Variants in EIF4H observed in about 807,000 individuals in gnomAD.
The protein encoded by EIF4H is eukaryotic translation initiation factor 4H.
EIF4H carries 8 observed loss-of-function variants against 30.6 expected under a neutral mutation model. The observed-to-expected ratio is 0.26, with a 90% CI of 0.15 to 0.47. The LOEUF is 0.47. Ranked by LOEUF, EIF4H falls within the 20% of genes least tolerant of loss-of-function variation. The pLI, the probability that EIF4H is intolerant of heterozygous loss-of-function variation, is 0.99. For missense variants in EIF4H, 188 were observed against 339.5 expected, an observed-to-expected ratio of 0.55 and a Z score of 3.51; for synonymous variants, 106 against 122.7, an observed-to-expected ratio of 0.86 and a Z score of 0.90.
At chr7:74,183,073 C>G (rs1381605393) in intron 1 of EIF4H, among the ~76,000 whole-genome samples, 2 of 152,198 alleles carry the variant, frequency 1.3e-5, no homozygotes, top group Non-Finnish European at 2.9e-5. Flanking sequence ...TCTCTACATT[C>G]TCTCCACCCT....
intron 5 of EIF4H, among the ~76,000 whole-genome samples, chr7:74,192,954 A>G (rs1801257903): frequency 6.6e-6 from 1 of 152,196 alleles, no homozygotes; most frequent in Non-Finnish European, 1.5e-5. Context: ...CTGGGATTAC[A>G]GGCGTGAGCC....
At position 74,196,945 on chromosome 7, in the gene EIF4H, A is replaced by G. The variant is rs1316150382; in HGVS notation, c.*1637A>G. The G allele has an allele frequency of 6.6e-6, 1 of 152,608 alleles. No homozygotes were observed. Among genetic ancestry groups the G allele is most frequent in the African/African-American group, 2.4e-5 (1 of 41,424 alleles). 9.5% of individuals were successfully genotyped at this position (152,608 alleles called of 1,614,324 possible). ...GTGGATAAGATAAAGAACAAAACAC[A>G]TGCATCTAAACTGCTGGGCAATCCA... On this transcript the variant is annotated 3_prime_UTR_variant, in exon 7 of 7. Coordinates refer to ENST00000265753, the MANE Select transcript of EIF4H (RefSeq NM_022170.2).
chr7:74,190,052 G>C, intron 4 of EIF4H, 134 bp downstream of exon 4: 1 of 1,217,328 alleles, frequency 8.2e-7, no homozygotes, highest in Non-Finnish European at 1.1e-6. Flanking sequence ...AAAAGTTTGC[G>C]TAAAATCCTA....
At chr7:74,180,276 C>G (rs531123190) in intron 1 of EIF4H, among the ~76,000 whole-genome samples, 3 of 152,322 alleles carry the variant, frequency 2.0e-5, no homozygotes, top group South Asian at 2.1e-4. Context: ...GTACCCATGT[C>G]TGAATTAACC....
rs577801224 is a variant in EIF4H at position 74,177,133 on chromosome 7, A to T, written c.59+2691A>T. On this transcript the variant is annotated intron_variant, in intron 1 of 6. Coordinates refer to ENST00000265753, the MANE Select transcript of EIF4H (RefSeq NM_022170.2). ...GGGAGTTTAGAATTCTTTTTTAAAT[A>T]GAGATGGGTTTCACTATGTTGCCCA... 3.3e-5 allele frequency among the ~76,000 whole-genome samples: 5 copies of T among 152,282 alleles called. 1 individual carries two copies. In the South Asian group the frequency reaches 1.0e-3, roughly 32 times the overall value.
chr7:74,189,545 C>T lies in EIF4H; in HGVS notation c.248-128C>T, dbSNP rs907779856. 2.0e-5 allele frequency: 20 copies of T among 998,078 alleles called. No individual in the cohort carries two copies. In the East Asian group the frequency reaches 4.5e-4, roughly 22 times the overall value. The allele number at this position is 998,078 out of a possible 1,614,324, so 61.8% of individuals were successfully genotyped here. ...TCAGGGTTCTATCTATTGAAAGGCT[C>T]TCCTAGTCTGCCATCATCTAGACAA... On this transcript the variant is annotated intron_variant, in intron 2 of 6. Coordinates refer to ENST00000265753, the MANE Select transcript of EIF4H (RefSeq NM_022170.2).
At chr7:74,181,089 T>G (rs1800950500) in intron 1 of EIF4H, among the ~76,000 whole-genome samples, 2 of 152,192 alleles carry the variant, frequency 1.3e-5, no homozygotes. Flanking sequence ...CATAGTGTTG[T>G]GTAACCATTG....
intron 1 of EIF4H, among the ~76,000 whole-genome samples, chr7:74,177,128 T>G (rs1364990040): frequency 6.6e-6 from 1 of 152,178 alleles, no homozygotes; most frequent in Non-Finnish European, 1.5e-5. Flanking sequence ...AATTCTTTTT[T>G]AAATAGAGAT....
intron 1 of EIF4H, among the ~76,000 whole-genome samples, chr7:74,177,945 A>G (rs1554707917): frequency 6.6e-6 from 1 of 152,100 alleles, no homozygotes; most frequent in Non-Finnish European, 1.5e-5. Context: ...AGTTAGAAAC[A>G]TGTATTTATT....
Position 74,189,824 on chromosome 7 carries a change from G to T in EIF4H, c.315G>T (p.Leu105=), listed in dbSNP as rs1429386691. 5.0e-6 allele frequency: 8 copies of T among 1,614,026 alleles called. No homozygotes were observed. The highest frequency in any genetic ancestry group is 6.8e-6 in the Non-Finnish European group (8 of 1,180,028). Residue 105 remains leucine (L), a splice_region_variant and synonymous_variant, in exon 4 of 7, where the codon CTG becomes CTT. Transcript: ENST00000265753. The part of the protein sequence containing the change: ...LKEALTYDGA[L]LGDRSLRVDI... ...CACTATTTTCCCTTTATCATTAGCT[G>T]TTGGGCGATCGGTCACTTCGTGTGG...
intron 1 of EIF4H, among the ~76,000 whole-genome samples, chr7:74,184,694 G>T (rs1369799573): frequency 1.3e-5 from 2 of 151,708 alleles, no homozygotes; most frequent in East Asian, 1.9e-4. Flanking sequence ...TTTTTTGTTT[G>T]TTTTTTGTGT....
chr7:74,191,325 G>A (rs1554709928), intron 5 of EIF4H: 2 of 523,342 alleles, frequency 3.8e-6, no homozygotes, highest in Admixed American at 4.0e-5. Context: ...CAGCAGCTCA[G>A]GGAACGGCCT....
chr7:74,188,416 G>A (rs1222452271), intron 2 of EIF4H, among the ~76,000 whole-genome samples: 16 of 152,184 alleles, frequency 1.1e-4, no homozygotes, highest in Admixed American at 9.2e-4. Flanking sequence ...GTAAGTGCAC[G>A]ATGCTAGGAC....
intron 5 of EIF4H, 82 bp downstream of exon 5, chr7:74,190,388 G>T: frequency 1.5e-6 from 2 of 1,363,644 alleles, no homozygotes; most frequent in Non-Finnish European, 2.1e-6. Context: ...TAGCCCGCCT[G>T]GCCGGACTAC....
At position 74,174,433 on chromosome 7, in the gene EIF4H, G is replaced by A; in HGVS notation, c.50G>A (p.Gly17Asp). The change falls in exon 1 of 7, where the codon GGC (glycine) becomes GAC (aspartate). Residue 17 changes from glycine (G) to aspartate (D), a missense_variant. Physicochemically the swap from Gly to Asp is moderately conservative, Grantham distance 94 (BLOSUM62 -1). Transcript: ENST00000265753. The stretch of plus-strand genomic sequence containing the variant: ...GATCGGGCCTACAGCAGCTTCGGCG[G>A]CGGCAGAGGGTGAGGCGGGCGTGCG... ...YDDRAYSSFG[G>D]GRGSRGSAGG... 2.1e-6 allele frequency: 3 copies of A among 1,445,064 alleles called. No homozygotes were observed. Among genetic ancestry groups the A allele is most frequent in the Non-Finnish European group, 2.8e-6 (3 of 1,084,446 alleles). 89.5% of individuals were successfully genotyped at this position (1,445,064 alleles called of 1,614,324 possible).
At chr7:74,188,924 G>A (rs1554709517) in intron 2 of EIF4H, among the ~76,000 whole-genome samples, 1 of 152,166 alleles carries the variant, frequency 6.6e-6, no homozygotes, top group African/African-American at 2.4e-5. Flanking sequence ...TGGTAAACAG[G>A]GAAAGTTTGG....
intron 1 of EIF4H, among the ~76,000 whole-genome samples, chr7:74,184,534 C>T (rs1563950484): frequency 6.6e-6 from 1 of 152,102 alleles, no homozygotes; most frequent in Non-Finnish European, 1.5e-5. Context: ...ACAAGACAGT[C>T]TTTTAACATC....
intron 2 of EIF4H, among the ~76,000 whole-genome samples, chr7:74,188,133 C>T (rs1197325947): frequency 2.0e-5 from 3 of 152,202 alleles, no homozygotes; most frequent in African/African-American, 7.2e-5. Flanking sequence ...CACATTCCTC[C>T]TGGAATGACT....
chr7:74,185,962 G>A (rs1391686147), intron 1 of EIF4H, among the ~76,000 whole-genome samples: 1 of 151,842 alleles, frequency 6.6e-6, no homozygotes, highest in South Asian at 2.1e-4. Flanking sequence ...TTTTCCAAAC[G>A]TTTTATTTTG....
Sources: allele counts gnomAD v4.1 joint callset (sites outside exome capture counted in the v4.1 genomes callset), GRCh38; gene constraint gnomAD v4.1.1; transcripts MANE v1.5; gene names NCBI Gene and HGNC (gene_info 2026-07-23, HGNC 2026-07-21).